The following PRRC2B variants were observed in gnomAD, a reference collection of about 807,000 sequenced individuals.
PRRC2B encodes the protein protein PRRC2B.
Under a neutral mutation model 242.3 loss-of-function variants are expected in PRRC2B, and 68 were observed. The observed-to-expected ratio is 0.28, with a 90% CI of 0.23 to 0.34. PRRC2B has a LOEUF of 0.34. Ranked by LOEUF, PRRC2B falls within the 10% of genes least tolerant of loss-of-function variation. The pLI is 1.00. For missense variants in PRRC2B, 2,835 were observed against 2,954.8 expected, an observed-to-expected ratio of 0.96 and a Z score of 0.94; for synonymous variants, 1,228 against 1,173.6, an observed-to-expected ratio of 1.05 and a Z score of -0.95.
intron 5 of PRRC2B, among the ~76,000 whole-genome samples, chr9:131,443,368 C>T (rs1838675613): frequency 6.6e-6 from 1 of 151,656 alleles, no homozygotes; most frequent in Non-Finnish European, 1.5e-5. Context: ...GATCTCCTGA[C>T]CTCATGATCC....
At chr9:131,413,724 T>C (rs1837566130) in intron 1 of PRRC2B, among the ~76,000 whole-genome samples, 1 of 151,926 alleles carries the variant, frequency 6.6e-6, no homozygotes, top group Non-Finnish European at 1.5e-5. Flanking sequence ...TAGGCTGGAG[T>C]GCAGCGGTGC....
intron 1 of PRRC2B, among the ~76,000 whole-genome samples, chr9:131,401,448 C>T (rs965454988): frequency 6.6e-6 from 1 of 150,736 alleles, no homozygotes; most frequent in South Asian, 2.1e-4. Flanking sequence ...GTGGCACGAT[C>T]TTGGCTCACT....
Position 131,476,411 on chromosome 9 carries a change from G to A in PRRC2B, c.4282G>A (p.Val1428Ile), listed in dbSNP as rs1469897923. 1.2e-6 allele frequency: 2 copies of A among 1,610,320 alleles called. No individual in the cohort carries two copies. Among genetic ancestry groups the A allele is most frequent in the Non-Finnish European group, 1.7e-6 (2 of 1,178,286 alleles). Residue 1428 changes from valine to isoleucine, a missense_variant, in exon 16 of 32, where the codon GTT becomes ATT. Val to Ile is a conservative substitution (Grantham distance 29, BLOSUM62 3). This residue lies in a region of PRRC2B where 1,536 missense variants were observed against 1,483.1 expected (regional missense o/e 1.04). Transcript: ENST00000683519. ...KRSFSSQRPV[V>I]DRQSRKLEPG... ...GAGCTTCTCCAGTCAGAGACCCGTGGTTGACAGACAGAGCCGAAAGCTGGA... is the reference window on the plus strand; with the variant it reads ...GAGCTTCTCCAGTCAGAGACCCGTGATTGACAGACAGAGCCGAAAGCTGGA...
intron 13 of PRRC2B, among the ~76,000 whole-genome samples, chr9:131,469,305 G>T (rs948182244): frequency 6.6e-6 from 1 of 152,136 alleles, no homozygotes; most frequent in African/African-American, 2.4e-5. Context: ...CTGCCTTCCA[G>T]CCTGGGTGAC....
intron 1 of PRRC2B, among the ~76,000 whole-genome samples, chr9:131,376,891 C>T (rs1488490459): frequency 6.6e-6 from 1 of 152,036 alleles, no homozygotes; most frequent in Non-Finnish European, 1.5e-5. Flanking sequence ...CCTGTAATCC[C>T]AGGTACTCGA....
intron 1 of PRRC2B, among the ~76,000 whole-genome samples, chr9:131,427,204 A>G (rs1837999926): frequency 6.6e-6 from 1 of 152,158 alleles, no homozygotes; most frequent in Admixed American, 6.5e-5. Context: ...GAATGAAAGG[A>G]TGGTTTGCGC....
intron 1 of PRRC2B, 145 bp from the exon 2 acceptor site, chr9:131,429,949 G>A: frequency 1.7e-6 from 1 of 578,786 alleles, no homozygotes; most frequent in East Asian, 2.9e-5. Flanking sequence ...GTTTTCTAAG[G>A]ACAGTCCAAA....
chr9:131,405,417 G>A (rs58714655), intron 1 of PRRC2B, among the ~76,000 whole-genome samples: 117 of 152,288 alleles, frequency 7.7e-4, no homozygotes, highest in African/African-American at 2.7e-3. Context: ...TCATAGCCCC[G>A]TCTTTCACAG....
intron 5 of PRRC2B, among the ~76,000 whole-genome samples, chr9:131,440,765 G>A (rs902434930): frequency 1.3e-5 from 2 of 152,100 alleles, no homozygotes; most frequent in African/African-American, 4.8e-5. Context: ...AAGATCTTCA[G>A]GTGAAAAAAA....
chr9:131,448,562 A>AAAAAAAAAAAAAAAAAAAAAAGG (rs1838901161), intron 9 of PRRC2B, among the ~76,000 whole-genome samples: 1 of 92,524 alleles, frequency 1.1e-5, no homozygotes, highest in Non-Finnish European at 2.6e-5. Context: ...AAAAAAAAAA[A>AAAAAAAAAAAAAAAAAAAAAAGG]AAAAAAAAGG....
rs374951504 is a variant in PRRC2B at position 131,463,628 on chromosome 9, C to CTTTTTT, written c.1405-1122_1405-1117dup. On this transcript the variant is annotated intron_variant, in intron 11 of 31. Coordinates refer to ENST00000683519, the MANE Select transcript of PRRC2B (RefSeq NM_013318.4). ...CCAAAAGAGATTTTTTTTAGGCATGCTTTTTTTTTTTTTTTTTTCTTAATG... is the reference window on the plus strand; with the variant it reads ...CCAAAAGAGATTTTTTTTAGGCATGCTTTTTTTTTTTTTTTTTTTTTTTTCTTAATG... Among the ~76,000 whole-genome samples, 33 of 125,752 alleles carry CTTTTTT rather than the reference C, an allele frequency of 2.6e-4. 1 individual carries two copies. The highest frequency in any genetic ancestry group is 4.9e-4 in the East Asian group (2 of 4,090). The allele number at this position is 125,752 out of a possible 152,430, so 82.5% of individuals were successfully genotyped here.
chr9:131,467,808 A>C, intron 13 of PRRC2B, 55 bp downstream of exon 13: 1 of 1,567,604 alleles, frequency 6.4e-7, no homozygotes, highest in South Asian at 1.1e-5. Flanking sequence ...TGCCGAGCAG[A>C]TGTTTCCCCT....
chr9:131,400,376 C>T (rs1249284775), intron 1 of PRRC2B, among the ~76,000 whole-genome samples: 1 of 151,842 alleles, frequency 6.6e-6, no homozygotes, highest in South Asian at 2.1e-4. Context: ...TGGAGTGCAG[C>T]CGTGCGATCT....
intron 18 of PRRC2B, 30 bp downstream of exon 18, chr9:131,478,649 G>GGGGGGGGGGGCCCCGGGCC: frequency 2.0e-6 from 1 of 504,562 alleles, no homozygotes; most frequent in Non-Finnish European, 4.0e-6. Context: ...GGGGCATGGG[G>GGGGGGGGGGGCCCCGGGCC]CTGGAGGGCA....
intron 2 of PRRC2B, among the ~76,000 whole-genome samples, chr9:131,430,581 G>GTT (rs1564281601): frequency 7.4e-5 from 10 of 135,210 alleles, no homozygotes; most frequent in African/African-American, 3.0e-4. Context: ...GTGTGTGTGT[G>GTT]TGTGTGTGTG....
Position 131,481,804 on chromosome 9 carries a change from C to T in PRRC2B, c.4979C>T (p.Ala1660Val), listed in dbSNP as rs746114422. ...TAFSSTETGS[A>V]EQGFKSSQGD... is the part of the protein sequence containing the mutation. Reference sequence around the variant, plus strand: ...TTCAGCAGCACCGAGACTGGCTCTGCGGAGGTGAGTGTGGCCGCTGCCCAC... The same window carrying T: ...TTCAGCAGCACCGAGACTGGCTCTGTGGAGGTGAGTGTGGCCGCTGCCCAC... Residue 1660 changes from alanine (A) to valine (V), a missense_variant, in exon 20 of 32, where the codon GCG becomes GTG. Transcript: ENST00000683519. 47 of 1,556,318 alleles carry T rather than the reference C, an allele frequency of 3.0e-5. 1 individual carries two copies. The South Asian group carries it at 3.1e-4, about 10-fold the overall frequency.
In PRRC2B at chr9:131,420,496, T is replaced by TCTTTCTTTCTTTC. The variant is rs59621148; in HGVS notation, c.-51-9598_-51-9597insCTTTCTTTCTTTC. Among the ~76,000 whole-genome samples the TCTTTCTTTCTTTC allele has an allele frequency of 5.4e-4, 41 of 75,918 alleles. 1 individual carries two copies. Among genetic ancestry groups the TCTTTCTTTCTTTC allele is most frequent in the Middle Eastern group, 5.4e-3 (1 of 186 alleles). The allele number at this position is 75,918 out of a possible 152,430, so 49.8% of individuals were successfully genotyped here. A position where few individuals can be genotyped will look rare whatever the true frequency, so the allele number is the denominator to read the frequency against. On this transcript the variant is annotated intron_variant, in intron 1 of 31. Transcript: ENST00000683519. ...TTCTTTCTTTCTTTCTTTCTTTCTTTTTTTTTTTTTTTTTGAGATGGAGGC... is the reference window on the plus strand; with the variant it reads ...TTCTTTCTTTCTTTCTTTCTTTCTTTCTTTCTTTCTTTCTTTTTTTTTTTTTTGAGATGGAGGC...
chr9:131,447,337 C>T, intron 8 of PRRC2B, 131 bp downstream of exon 8: 1 of 1,178,016 alleles, frequency 8.5e-7, no homozygotes, highest in South Asian at 1.5e-5. Context: ...CTCAGCGTGG[C>T]AGGGTGTGTG....
At chr9:131,481,394 G>GA (rs1283288787) in intron 19 of PRRC2B, among the ~76,000 whole-genome samples, 6 of 151,708 alleles carry the variant, frequency 4.0e-5, no homozygotes, top group Non-Finnish European at 7.4e-5. Flanking sequence ...TAGTATAAGT[G>GA]AAAAGAAGCA....
Sources: gnomAD v4.1 joint callset for allele counts (sites outside exome capture counted in the v4.1 genomes callset) on GRCh38, gnomAD v4.1.1 for gene constraint, gnomAD v4.1.1 regional missense constraint, MANE v1.5 for transcripts, NCBI Gene and HGNC (gene_info 2026-07-23, HGNC 2026-07-21) for gene names.